The following S100Z variants were observed in gnomAD, a reference collection of about 807,000 sequenced individuals.
S100Z encodes the protein S100 calcium binding protein Z, also known as protein S100-Z.
Under a neutral mutation model 8.5 loss-of-function variants are expected in S100Z, and 11 were observed. The observed-to-expected ratio is 1.30, with a 90% CI of 0.82 to 2.15. The LOEUF (loss-of-function observed/expected upper bound fraction) is 2.15. Ranked by LOEUF, S100Z falls within the 30% of genes most tolerant of loss-of-function variation. The pLI, the probability that S100Z is intolerant of heterozygous loss-of-function variation, is 0.00. For synonymous variants in S100Z, 34 were observed against 43.8 expected (o/e 0.78, Z 0.89); for missense variants, 126 against 117.9 (o/e 1.07, Z -0.32).
chr5:76,888,533 G>A (rs1352273832), intron 4 of S100Z, among the ~76,000 whole-genome samples: 1 of 151,338 alleles, frequency 6.6e-6, no homozygotes, highest in Non-Finnish European at 1.5e-5. Flanking sequence ...TCGCCACCAT[G>A]CCCTGCTAAT....
At chr5:76,937,937 A>G in the S100Z span, among the ~76,000 whole-genome samples, 1 of 152,004 alleles carries the variant, frequency 6.6e-6, no homozygotes, top group Non-Finnish European at 1.5e-5. Flanking sequence ...TGTCTCTACA[A>G]AAAATACAAA....
rs545761529 is a variant in S100Z, at chr5:76,859,107, G to C, written c.-176+8952G>C. On this transcript the variant is annotated intron_variant, in intron 1 of 4. Transcript: ENST00000317593. ...CCAGCCTGGGTGAAAGAGCGAGACA[G>C]TGTCTCAAAATAATAATAATGATGA... 3.3e-5 allele frequency among the ~76,000 whole-genome samples: 5 copies of C among 152,184 alleles called. No individual in the cohort carries two copies. The East Asian group carries it at 9.7e-4, about 29-fold the overall frequency.
At chr5:76,907,374 G>A (rs946716006) in intron 4 of S100Z, among the ~76,000 whole-genome samples, 3 of 151,950 alleles carry the variant, frequency 2.0e-5, no homozygotes, top group East Asian at 1.9e-4. Context: ...CATGATCTTG[G>A]CTCACTGCAA....
chr5:76,944,224 C>T, the S100Z span, among the ~76,000 whole-genome samples: 1 of 152,144 alleles, frequency 6.6e-6, no homozygotes, highest in African/African-American at 2.4e-5. Flanking sequence ...GTGGGTGCCA[C>T]ATCTTCGGAT....
At chr5:76,862,843 C>T (rs956560066) in intron 1 of S100Z, among the ~76,000 whole-genome samples, 17 of 152,228 alleles carry the variant, frequency 1.1e-4, no homozygotes, top group African/African-American at 3.4e-4. Flanking sequence ...AGGAGCATTG[C>T]AATAAAGGGG....
At chr5:76,887,395 C>CTTTTTT (rs70982657) in intron 4 of S100Z, among the ~76,000 whole-genome samples, 15 of 74,694 alleles carry the variant, frequency 2.0e-4, no homozygotes, top group Admixed American at 4.1e-4. Context: ...CTGTGCCAGG[C>CTTTTTT]TTTTTTTTTT....
the S100Z span, among the ~76,000 whole-genome samples, chr5:76,947,252 C>G: frequency 6.6e-6 from 1 of 151,934 alleles, no homozygotes; most frequent in Admixed American, 6.6e-5. Context: ...AAAAATTTCC[C>G]TTTTGGCTTA....
chr5:76,935,292 C>T, the S100Z span, among the ~76,000 whole-genome samples: 7 of 152,260 alleles, frequency 4.6e-5, no homozygotes, highest in South Asian at 4.1e-4. Flanking sequence ...TTTGCATAAT[C>T]GATTTAACAC....
intron 4 of S100Z, among the ~76,000 whole-genome samples, chr5:76,888,701 C>T (rs1480898696): frequency 6.6e-6 from 1 of 152,056 alleles, no homozygotes; most frequent in Non-Finnish European, 1.5e-5. Flanking sequence ...CAGGCGTGAG[C>T]CACCGTGTCT....
intron 1 of S100Z, among the ~76,000 whole-genome samples, chr5:76,860,567 G>A (rs919965649): frequency 2.0e-5 from 3 of 152,030 alleles, no homozygotes; most frequent in Admixed American, 1.3e-4. Context: ...AGTGAATTAT[G>A]GAAATAATCA....
intron 4 of S100Z, among the ~76,000 whole-genome samples, chr5:76,901,889 G>A (rs777440092): frequency 4.0e-5 from 6 of 149,470 alleles, no homozygotes; most frequent in Non-Finnish European, 8.9e-5. Flanking sequence ...ATCACTGCTG[G>A]TTATTCAGGG....
chr5:76,903,475 G>A (rs1352453486), intron 4 of S100Z, among the ~76,000 whole-genome samples: 1 of 151,940 alleles, frequency 6.6e-6, no homozygotes, highest in Non-Finnish European at 1.5e-5. Flanking sequence ...GATTTGGGTT[G>A]TTTCTGGTTT....
intron 2 of S100Z, among the ~76,000 whole-genome samples, chr5:76,872,468 C>T (rs769443403): frequency 5.9e-5 from 9 of 151,830 alleles, no homozygotes; most frequent in Non-Finnish European, 1.2e-4. Context: ...TTGACACCAG[C>T]CTGGGAAACA....
At chr5:76,906,789 C>T (rs574280915) in intron 4 of S100Z, among the ~76,000 whole-genome samples, 8 of 151,480 alleles carry the variant, frequency 5.3e-5, no homozygotes, top group South Asian at 2.1e-4. Context: ...CCTGCCACCA[C>T]GCTCAGCTAA....
intron 4 of S100Z, among the ~76,000 whole-genome samples, chr5:76,917,891 T>C (rs1384507912): frequency 2.0e-5 from 3 of 152,140 alleles, no homozygotes; most frequent in African/African-American, 7.2e-5. Context: ...TGCCCAATAT[T>C]TTTATGTCAA....
the S100Z span, among the ~76,000 whole-genome samples, chr5:76,930,279 C>G: frequency 6.6e-6 from 1 of 152,172 alleles, no homozygotes; most frequent in African/African-American, 2.4e-5. Flanking sequence ...TAGCTGGGAT[C>G]GCTCTACTGA....
At chr5:76,881,328 C>T (rs1743395528) in intron 4 of S100Z, among the ~76,000 whole-genome samples, 3 of 152,130 alleles carry the variant, frequency 2.0e-5, no homozygotes, top group African/African-American at 7.2e-5. Context: ...CTTCTCAGAC[C>T]CTGTGGGAAA....
At chr5:76,907,299 T>C (rs1744491108) in intron 4 of S100Z, among the ~76,000 whole-genome samples, 1 of 151,960 alleles carries the variant, frequency 6.6e-6, no homozygotes, top group Non-Finnish European at 1.5e-5. Flanking sequence ...ACTATTGCTT[T>C]GTAGTAATTC....
At chr5:76,920,201 G>A (rs1407225606) in intron 4 of S100Z, among the ~76,000 whole-genome samples, 45 of 152,210 alleles carry the variant, frequency 3.0e-4, no homozygotes, top group East Asian at 1.9e-4. Context: ...GAGCCACCAC[G>A]CCCGGCTCAG....
Sources: gnomAD v4.1 joint callset for allele counts (sites outside exome capture counted in the v4.1 genomes callset) on GRCh38, gnomAD v4.1.1 for gene constraint, MANE v1.5 for transcripts, NCBI Gene and HGNC (gene_info 2026-07-23, HGNC 2026-07-21) for gene names.